The following EPHA5 variants were observed in gnomAD, a reference collection of about 807,000 sequenced individuals.
EPHA5 encodes EPH receptor A5.
Under a neutral mutation model 105.0 loss-of-function variants are expected in EPHA5, and 60 were observed. The observed-to-expected ratio is 0.57, with a 90% CI of 0.46 to 0.71. The LOEUF (loss-of-function observed/expected upper bound fraction) is 0.71, where lower values mean the gene tolerates loss of function less well. Ranked by LOEUF, EPHA5 falls within the 30% of genes least tolerant of loss-of-function variation. EPHA5 has a pLI of 0.00. For synonymous variants in EPHA5, 513 were observed against 449.1 expected, an observed-to-expected ratio of 1.14 and a Z score of -1.80; for missense variants, 1,218 against 1,274.7, an observed-to-expected ratio of 0.96 and a Z score of 0.68.
intron 5 of EPHA5, among the ~76,000 whole-genome samples, chr4:65,421,641 T>C (rs186992400): frequency 5.3e-5 from 8 of 152,250 alleles, no homozygotes; most frequent in Admixed American, 2.0e-4. Context: ...TAGATTTACT[T>C]ATTTCTTGGA....
rs79444918 is a variant in EPHA5 at position 65,392,852 on chromosome 4, T to G, written c.1793+11522A>C. Among the ~76,000 whole-genome samples, 15 of 152,266 alleles carry G rather than the reference T, an allele frequency of 9.9e-5. No individual in the cohort carries two copies. The East Asian group carries it at 2.9e-3, about 29-fold the overall frequency. On this transcript the variant is annotated intron_variant, in intron 8 of 16. Coordinates refer to ENST00000613740, the MANE Select transcript of EPHA5 (RefSeq NM_001281766.3). ...CACAGCTCATCTTTAATTCAATAAC[T>G]TATGAGTTATTTATTTAATTAAGTT...
intron 2 of EPHA5, among the ~76,000 whole-genome samples, chr4:65,618,264 A>C (rs1745418654): frequency 6.6e-6 from 1 of 152,162 alleles, no homozygotes; most frequent in Non-Finnish European, 1.5e-5. Flanking sequence ...TTTGATATAT[A>C]CCTGATAAGC....
intron 16 of EPHA5, chr4:65,330,924 C>A: frequency 9.6e-7 from 1 of 1,040,186 alleles, no homozygotes; most frequent in Non-Finnish European, 1.2e-6. Context: ...GAAGAGAATG[C>A]TGAGAATGTG....
chr4:65,356,768 A>G (rs890303297), intron 11 of EPHA5, among the ~76,000 whole-genome samples: 2 of 151,550 alleles, frequency 1.3e-5, no homozygotes, highest in African/African-American at 2.4e-5. Context: ...TGCGTGAGTC[A>G]TTTTAATGCT....
chr4:65,659,187 A>T (rs945642023), intron 1 of EPHA5, among the ~76,000 whole-genome samples: 1 of 151,918 alleles, frequency 6.6e-6, no homozygotes, highest in Non-Finnish European at 1.5e-5. Flanking sequence ...ACAGAGCAAG[A>T]GGTAGTGATC....
intron 2 of EPHA5, among the ~76,000 whole-genome samples, chr4:65,640,872 A>T (rs1266598939): frequency 6.6e-6 from 1 of 152,162 alleles, no homozygotes; most frequent in East Asian, 1.9e-4. Context: ...CAAATAATTC[A>T]TTGAGACATT....
chr4:65,331,250 A>C (rs1720586204), intron 16 of EPHA5: 1 of 1,030,172 alleles, frequency 9.7e-7, no homozygotes, highest in African/African-American at 1.7e-5. Flanking sequence ...TTTCACAAAT[A>C]ACAATTAGGC....
intron 5 of EPHA5, among the ~76,000 whole-genome samples, chr4:65,421,397 A>T (rs1723933170): frequency 6.6e-6 from 1 of 152,156 alleles, no homozygotes; most frequent in Non-Finnish European, 1.5e-5. Flanking sequence ...TGTAGTGTTT[A>T]TTGAAAAGTA....
intron 3 of EPHA5, among the ~76,000 whole-genome samples, chr4:65,548,482 G>A (rs1243727089): frequency 1.3e-5 from 2 of 151,936 alleles, no homozygotes; most frequent in Non-Finnish European, 2.9e-5. Context: ...CAGAAAGACA[G>A]CATAGGCAAA....
intron 3 of EPHA5, among the ~76,000 whole-genome samples, chr4:65,573,026 G>T (rs542928800): frequency 9.5e-4 from 145 of 151,858 alleles, no homozygotes; most frequent in South Asian, 6.7e-3. Flanking sequence ...GTGAGACTTT[G>T]TCTCAAAAAG....
At chr4:65,447,602 T>C (rs1196711417) in intron 5 of EPHA5, among the ~76,000 whole-genome samples, 1 of 151,942 alleles carries the variant, frequency 6.6e-6, no homozygotes, top group East Asian at 1.9e-4. Flanking sequence ...CTACTATTTT[T>C]GCTTAGACAA....
chr4:65,468,344 A>G (rs567731562), intron 5 of EPHA5, among the ~76,000 whole-genome samples: 45 of 151,634 alleles, frequency 3.0e-4, no homozygotes, highest in Non-Finnish European at 5.7e-4. Flanking sequence ...AAATGTCACA[A>G]TATATATTTT....
intron 1 of EPHA5, among the ~76,000 whole-genome samples, chr4:65,646,641 T>A (rs1378251044): frequency 6.6e-6 from 1 of 152,158 alleles, no homozygotes; most frequent in Non-Finnish European, 1.5e-5. Context: ...ACTAGAAATT[T>A]TCTACTTTCA....
At chr4:65,387,080 C>T (rs1243976774) in intron 8 of EPHA5, among the ~76,000 whole-genome samples, 1 of 151,836 alleles carries the variant, frequency 6.6e-6, no homozygotes, top group Non-Finnish European at 1.5e-5. Context: ...TGGAAAATAG[C>T]TAAAGTGGTG....
chr4:65,389,139 C>G (rs976450695), intron 8 of EPHA5, among the ~76,000 whole-genome samples: 1 of 151,928 alleles, frequency 6.6e-6, no homozygotes, highest in African/African-American at 2.4e-5. Flanking sequence ...ATTGGTAATT[C>G]CTTATATTTT....
intron 3 of EPHA5, among the ~76,000 whole-genome samples, chr4:65,557,188 G>C (rs1387928119): frequency 7.0e-6 from 1 of 142,002 alleles, no homozygotes; most frequent in Non-Finnish European, 1.5e-5. Context: ...GGTGAGAGCA[G>C]CTGTGGGTTG....
chr4:65,489,587 T>A (rs918010745), intron 5 of EPHA5, among the ~76,000 whole-genome samples: 1 of 152,196 alleles, frequency 6.6e-6, no homozygotes, highest in African/African-American at 2.4e-5. Flanking sequence ...TGCTAGAAAT[T>A]ACTCTTAGGT....
chr4:65,578,088 G>A (rs1202346835), intron 3 of EPHA5, among the ~76,000 whole-genome samples: 1 of 152,010 alleles, frequency 6.6e-6, no homozygotes, highest in Non-Finnish European at 1.5e-5. Flanking sequence ...CTTTATATCA[G>A]TATACCTATA....
At chr4:65,342,535 G>A (rs1333983878) in intron 14 of EPHA5, among the ~76,000 whole-genome samples, 1 of 151,264 alleles carries the variant, frequency 6.6e-6, no homozygotes, top group Non-Finnish European at 1.5e-5. Context: ...AAACATATAA[G>A]GAATATGTAT....
Sources: allele counts gnomAD v4.1 joint callset (sites outside exome capture counted in the v4.1 genomes callset), GRCh38; gene constraint gnomAD v4.1.1; transcripts MANE v1.5; gene names NCBI Gene and HGNC (gene_info 2026-07-23, HGNC 2026-07-21).